Variants in COL24A1 observed in about 807,000 individuals in gnomAD.
COL24A1 encodes the protein collagen type XXIV alpha 1 chain, also known as collagen alpha-1(XXIV) chain.
In COL24A1, 224 loss-of-function variants were observed where a neutral mutation model predicts 253.9. The observed-to-expected ratio is 0.88, with a 90% CI of 0.79 to 0.99. The LOEUF is 0.99. Among genes scored for constraint, COL24A1 ranks in the 50% least tolerant of loss-of-function variants. The pLI is 0.00. For missense variants in COL24A1, 2,131 were observed against 2,068.5 expected (o/e 1.03, Z -0.59); for synonymous variants, 685 against 673.7 (o/e 1.02, Z -0.26).
chr1:86,031,964 C>T, intron 13 of COL24A1, 42 bp from the exon 14 acceptor site: 1 of 1,493,398 alleles, frequency 6.7e-7, no homozygotes, highest in South Asian at 1.2e-5. Context: ...AATTTGATTC[C>T]CAACTACTAA....
rs867628319 is a variant in COL24A1, at chr1:85,945,018, T to G, written c.2562+16231A>C. Among the ~76,000 whole-genome samples, 562 of 86,802 alleles carry G rather than the reference T, an allele frequency of 6.5e-3. 12 individuals are homozygous for G. Among genetic ancestry groups the G allele is most frequent in the African/African-American group, 0.02 (471 of 23,230 alleles). 56.9% of individuals were successfully genotyped at this position (86,802 alleles called of 152,430 possible). On this transcript the variant is annotated intron_variant, in intron 24 of 59. Transcript: ENST00000370571. ...TATCATTGTGTTTTTTTTTTTTTTT[T>G]TTTTTTTTTTTTTTTTTGAGACAGA...
At chr1:85,974,442 T>C (rs1269117750) in intron 20 of COL24A1, among the ~76,000 whole-genome samples, 1 of 152,100 alleles carries the variant, frequency 6.6e-6, no homozygotes, top group African/African-American at 2.4e-5. Context: ...TCAACCTGGA[T>C]TAAGATGAAA....
At chr1:85,953,506 A>C (rs1162616757) in intron 24 of COL24A1, among the ~76,000 whole-genome samples, 1 of 152,204 alleles carries the variant, frequency 6.6e-6, no homozygotes, top group East Asian at 1.9e-4. Context: ...TCTAGATCGT[A>C]TACTACTTAA....
chr1:85,762,704 C>T (rs74097087), intron 53 of COL24A1, among the ~76,000 whole-genome samples: 3,686 of 152,168 alleles, frequency 0.024, 151 homozygotes, highest in African/African-American at 0.085. Flanking sequence ...TGGTTATGTC[C>T]GCTTCTCCAT....
At chr1:85,754,827 C>T (rs1215293841) in intron 55 of COL24A1, among the ~76,000 whole-genome samples, 3 of 152,078 alleles carry the variant, frequency 2.0e-5, no homozygotes, top group South Asian at 2.1e-4. Context: ...CTTAAGAGAT[C>T]TGTAGGACAC....
At chr1:86,128,677 A>T (rs1014387747) in intron 2 of COL24A1, among the ~76,000 whole-genome samples, 2 of 151,932 alleles carry the variant, frequency 1.3e-5, no homozygotes, top group African/African-American at 2.4e-5. Context: ...ATGTTTCTTT[A>T]TATGTATATT....
At chr1:86,003,591 C>CA (rs1261568281) in intron 19 of COL24A1, among the ~76,000 whole-genome samples, 1 of 151,614 alleles carries the variant, frequency 6.6e-6, no homozygotes, top group African/African-American at 2.4e-5. Context: ...ATAGCAACAG[C>CA]AAAAAAGGTA....
chr1:86,135,037 A>G (rs1159357239), intron 2 of COL24A1, among the ~76,000 whole-genome samples: 3 of 151,754 alleles, frequency 2.0e-5, no homozygotes, highest in Non-Finnish European at 4.4e-5. Flanking sequence ...GTGCTCCTGC[A>G]TTGGGTGTAT....
In COL24A1 at chr1:85,761,575, A is replaced by G. The variant is rs778436249; in HGVS notation, c.4375-9T>C. 6.2e-7 allele frequency: 1 copy of G among 1,614,094 alleles called. No individual in the cohort carries two copies. Among genetic ancestry groups the G allele is most frequent in the South Asian group, 1.1e-5 (1 of 91,080 alleles). ...CTTGGTCCTTGAGGACCCTGGAAGA[A>G]ATGGAGACAAACACAAGACCTATAT... On this transcript the variant is annotated splice_polypyrimidine_tract_variant and intron_variant, in intron 53 of 59. Coordinates refer to ENST00000370571, the MANE Select transcript of COL24A1 (RefSeq NM_152890.7).
intron 19 of COL24A1, among the ~76,000 whole-genome samples, chr1:86,003,552 G>A (rs544999775): frequency 1.3e-5 from 2 of 152,226 alleles, no homozygotes; most frequent in South Asian, 4.1e-4. Context: ...GGTTGGGTCA[G>A]CTTGGTAGGC....
intron 28 of COL24A1, among the ~76,000 whole-genome samples, chr1:85,899,371 T>A (rs1484033863): frequency 6.6e-6 from 1 of 152,216 alleles, no homozygotes; most frequent in Non-Finnish European, 1.5e-5. Context: ...CTAGAATTAC[T>A]ATGTATTTCT....
chr1:86,122,696 A>G (rs541965496), intron 3 of COL24A1, among the ~76,000 whole-genome samples: 2 of 152,028 alleles, frequency 1.3e-5, no homozygotes, highest in Admixed American at 6.6e-5. Context: ...GGTCCCATTA[A>G]TTTCCTAGTT....
intron 6 of COL24A1, among the ~76,000 whole-genome samples, chr1:86,090,690 C>T (rs571979985): frequency 1.3e-5 from 2 of 152,202 alleles, no homozygotes; most frequent in South Asian, 2.1e-4. Context: ...CAATTTCTAA[C>T]AGATCATTTT....
At chr1:85,829,719 T>C (rs1674922173) in intron 43 of COL24A1, among the ~76,000 whole-genome samples, 1 of 152,086 alleles carries the variant, frequency 6.6e-6, no homozygotes, top group South Asian at 2.1e-4. Context: ...TCGCATGGCC[T>C]CCTGAGGCTT....
Position 86,120,618 on chromosome 1 carries a change from C to T in COL24A1, c.1491+4227G>A, listed in dbSNP as rs190532538. Among the ~76,000 whole-genome samples, 93 of 152,138 alleles carry T rather than the reference C, an allele frequency of 6.1e-4. 3 individuals carry two copies. Among genetic ancestry groups the T allele is most frequent in the East Asian group, 6.0e-3 (31 of 5,176 alleles). On this transcript the variant is annotated intron_variant, in intron 3 of 59. Transcript: ENST00000370571. Reference sequence around the variant, plus strand: ...TACCATCTCACACCAGTTAGAATGGCGATCATTAAAAAGTCAGGAAATAAC... The same window carrying T: ...TACCATCTCACACCAGTTAGAATGGTGATCATTAAAAAGTCAGGAAATAAC...
intron 24 of COL24A1, among the ~76,000 whole-genome samples, chr1:85,942,493 G>C (rs1428452091): frequency 6.6e-6 from 1 of 152,058 alleles, no homozygotes; most frequent in Non-Finnish European, 1.5e-5. Flanking sequence ...TGGAGTTCTT[G>C]AATTTTGGCT....
intron 37 of COL24A1, among the ~76,000 whole-genome samples, chr1:85,850,216 C>A (rs539318224): frequency 2.0e-5 from 3 of 152,058 alleles, no homozygotes; most frequent in Admixed American, 1.3e-4. Flanking sequence ...CCACAGTAAG[C>A]CAGGTTGCAA....
chr1:85,774,162 C>T (rs187865362), intron 53 of COL24A1, among the ~76,000 whole-genome samples: 5 of 151,886 alleles, frequency 3.3e-5, no homozygotes, highest in South Asian at 2.1e-4. Flanking sequence ...GTTTATGTGA[C>T]GGATTATGCT....
At chr1:85,904,414 ATGT>A (rs1037160156) in intron 28 of COL24A1, among the ~76,000 whole-genome samples, 2 of 152,108 alleles carry the variant, frequency 1.3e-5, no homozygotes, top group African/African-American at 4.8e-5. Context: ...TGTGCAGCTG[ATGT>A]TGTGCTGATT....
Sources: allele counts gnomAD v4.1 joint callset (sites outside exome capture counted in the v4.1 genomes callset), GRCh38; gene constraint gnomAD v4.1.1; transcripts MANE v1.5; gene names NCBI Gene and HGNC (gene_info 2026-07-23, HGNC 2026-07-21).